The following DGKB variants were observed in gnomAD, a reference collection of about 807,000 sequenced individuals.
DGKB encodes 90 kDa diacylglycerol kinase.
In DGKB, 67 loss-of-function variants were observed where a neutral mutation model predicts 114.3. The observed-to-expected ratio is 0.59, with a 90% CI of 0.48 to 0.72. The LOEUF (loss-of-function observed/expected upper bound fraction) is 0.72. Among genes scored for constraint, DGKB ranks in the 30% least tolerant of loss-of-function variants. The pLI is 0.00. For missense variants in DGKB, 907 were observed against 975.2 expected, an observed-to-expected ratio of 0.93 and a Z score of 0.93; for synonymous variants, 398 against 323.1, an observed-to-expected ratio of 1.23 and a Z score of -2.49.
intron 21 of DGKB, among the ~76,000 whole-genome samples, chr7:14,379,359 G>C (rs1210468922): frequency 2.0e-5 from 3 of 151,092 alleles, no homozygotes; most frequent in Non-Finnish European, 4.4e-5. Flanking sequence ...AGAAATTCTA[G>C]GATGAAATCC....
At chr7:14,567,443 T>A (rs1175300183) in intron 20 of DGKB, among the ~76,000 whole-genome samples, 1 of 60,710 alleles carries the variant, frequency 1.6e-5, no homozygotes, top group Non-Finnish European at 2.9e-5. Context: ...ATAATTATAT[T>A]ATATATTATA....
At chr7:14,969,785 CT>C (rs1198592744) in intron 1 of DGKB, among the ~76,000 whole-genome samples, 1 of 152,156 alleles carries the variant, frequency 6.6e-6, no homozygotes, top group Non-Finnish European at 1.5e-5. Flanking sequence ...ATGTTATAGC[CT>C]ATTGCTCCTA....
chr7:14,175,306 G>A (rs1345815607), intron 25 of DGKB, among the ~76,000 whole-genome samples: 1 of 152,156 alleles, frequency 6.6e-6, no homozygotes, highest in Non-Finnish European at 1.5e-5. Flanking sequence ...TCAGCACAAT[G>A]CTTGTGCAAG....
intron 20 of DGKB, among the ~76,000 whole-genome samples, chr7:14,572,088 G>C (rs2128704831): frequency 6.6e-6 from 1 of 152,204 alleles, no homozygotes; most frequent in East Asian, 1.9e-4. Flanking sequence ...ACAGATATTT[G>C]ACTTCACAGA....
chr7:14,418,129 A>AT lies in DGKB; in HGVS notation c.1835+60031_1835+60032insA, dbSNP rs957179511. On this transcript the variant is annotated intron_variant, in intron 21 of 25. Coordinates refer to ENST00000402815, the MANE Select transcript of DGKB (RefSeq NM_001350709.2). ...TGCTTCTAGAGTTAGAGTTTTTAAA[A>AT]ATATATATTTTATATATAAATTTAT... is the stretch of plus-strand genomic sequence containing the variant. Among the ~76,000 whole-genome samples, 380 of 145,966 alleles carry AT rather than the reference A, an allele frequency of 2.6e-3. 2 individuals carry two copies. The highest frequency in any genetic ancestry group is 3.8e-3 in the Admixed American group (54 of 14,276).
intron 23 of DGKB, among the ~76,000 whole-genome samples, chr7:14,317,422 G>C (rs1030576671): frequency 6.8e-6 from 1 of 147,790 alleles, no homozygotes; most frequent in African/African-American, 2.5e-5. Flanking sequence ...AAGCTGATAA[G>C]CAACTTCAGC....
intron 1 of DGKB, among the ~76,000 whole-genome samples, chr7:14,949,625 T>A (rs1562897471): frequency 6.6e-6 from 1 of 151,800 alleles, no homozygotes; most frequent in Non-Finnish European, 1.5e-5. Context: ...CTAAATTTGA[T>A]GAAAAACATT....
intron 23 of DGKB, among the ~76,000 whole-genome samples, chr7:14,284,301 C>T (rs924977477): frequency 6.9e-6 from 1 of 145,064 alleles, no homozygotes; most frequent in Non-Finnish European, 1.5e-5. Context: ...CAAATCAAAA[C>T]CACAATGAGA....
chr7:14,842,826 T>C (rs1848120146), intron 1 of DGKB, among the ~76,000 whole-genome samples: 1 of 152,160 alleles, frequency 6.6e-6, no homozygotes, highest in African/African-American at 2.4e-5. Context: ...TGTACCTAAA[T>C]CATAACAGAA....
chr7:14,192,368 C>CA (rs935835139), intron 23 of DGKB, among the ~76,000 whole-genome samples: 1 of 151,538 alleles, frequency 6.6e-6, no homozygotes, highest in South Asian at 2.1e-4. Context: ...ACCATAGCTA[C>CA]AAAAAAACTA....
chr7:14,333,964 G>A (rs866483004), intron 23 of DGKB, among the ~76,000 whole-genome samples: 3 of 152,172 alleles, frequency 2.0e-5, no homozygotes, highest in Admixed American at 2.0e-4. Context: ...TTGTGAGCAT[G>A]TTTAAAATCT....
intron 23 of DGKB, among the ~76,000 whole-genome samples, chr7:14,228,882 T>TTGTGTGTGTG (rs1407841864): frequency 3.2e-4 from 22 of 67,750 alleles, no homozygotes; most frequent in African/African-American, 2.7e-3. Flanking sequence ...TCAGTTTTTT[T>TTGTGTGTGTG]TCTGTGTGTG....
At chr7:14,169,740 G>C (rs555708912) in intron 25 of DGKB, among the ~76,000 whole-genome samples, 65 of 152,232 alleles carry the variant, frequency 4.3e-4, no homozygotes, top group Non-Finnish European at 7.2e-4. Context: ...GCTGCAGTGG[G>C]AAGCAAAATA....
At chr7:14,402,546 C>T (rs931496611) in intron 21 of DGKB, among the ~76,000 whole-genome samples, 1 of 151,778 alleles carries the variant, frequency 6.6e-6, no homozygotes, top group African/African-American at 2.4e-5. Context: ...TCTGTTTAAC[C>T]TGCAATACTG....
intron 21 of DGKB, among the ~76,000 whole-genome samples, chr7:14,443,885 C>A (rs1160208340): frequency 6.6e-6 from 1 of 151,650 alleles, no homozygotes; most frequent in African/African-American, 2.4e-5. Flanking sequence ...AGCTCTCTCA[C>A]CTTCTATTTA....
chr7:14,391,473 G>C (rs1362114599), intron 21 of DGKB, among the ~76,000 whole-genome samples: 1 of 150,880 alleles, frequency 6.6e-6, no homozygotes, highest in African/African-American at 2.4e-5. Flanking sequence ...CTTGAGCCCA[G>C]GCAAGACCAG....
chr7:14,857,867 C>G (rs948903135), intron 1 of DGKB, among the ~76,000 whole-genome samples: 1 of 151,726 alleles, frequency 6.6e-6, no homozygotes, highest in Non-Finnish European at 1.5e-5. Flanking sequence ...TTATTATACA[C>G]TTTTTTCATA....
intron 25 of DGKB, among the ~76,000 whole-genome samples, chr7:14,161,764 A>G (rs1032539633): frequency 1.3e-5 from 2 of 152,096 alleles, no homozygotes; most frequent in African/African-American, 4.8e-5. Context: ...ATGTATACCT[A>G]TGTAACAAAC....
At chr7:14,296,294 T>G (rs1802548045) in intron 23 of DGKB, among the ~76,000 whole-genome samples, 1 of 152,028 alleles carries the variant, frequency 6.6e-6, no homozygotes, top group Non-Finnish European at 1.5e-5. Flanking sequence ...CCTCCCAAAG[T>G]GCTGGTATTA....
Sources: allele counts gnomAD v4.1 joint callset (sites outside exome capture counted in the v4.1 genomes callset), GRCh38; gene constraint gnomAD v4.1.1; transcripts MANE v1.5; gene names NCBI Gene and HGNC (gene_info 2026-07-23, HGNC 2026-07-21).